ADCY2: variants seen among roughly 807,000 people sequenced by gnomAD.
ADCY2 encodes the protein adenylate cyclase 2, also known as adenylate cyclase type 2.
ADCY2 carries 31 observed loss-of-function variants against 125.2 expected under a neutral mutation model. That is an observed-to-expected ratio of 0.25 (90% CI 0.19 to 0.33). ADCY2 has a LOEUF of 0.33. Among genes scored for constraint, ADCY2 ranks in the 10% least tolerant of loss-of-function variants. The probability of loss-of-function intolerance (pLI) is 1.00; values close to 1 mark genes in which losing one functional copy is unlikely to be tolerated. For synonymous variants in ADCY2, 512 were observed against 548.4 expected (o/e 0.93, Z 0.93); for missense variants, 904 against 1,418.2 (o/e 0.64, Z 5.82).
At chr5:7,480,020 C>T (rs1742670051) in intron 2 of ADCY2, among the ~76,000 whole-genome samples, 1 of 152,144 alleles carries the variant, frequency 6.6e-6, no homozygotes, top group African/African-American at 2.4e-5. Flanking sequence ...AAAAGCTCAA[C>T]ATCACTGATC....
chr5:7,818,048 T>A (rs1052121003), intron 23 of ADCY2, among the ~76,000 whole-genome samples: 1 of 152,192 alleles, frequency 6.6e-6, no homozygotes, highest in Admixed American at 6.5e-5. Flanking sequence ...TTCAGAGTTC[T>A]AAGAGCTTCT....
intron 2 of ADCY2, among the ~76,000 whole-genome samples, chr5:7,513,225 T>A (rs1204842734): frequency 2.6e-5 from 4 of 151,964 alleles, no homozygotes; most frequent in Non-Finnish European, 5.9e-5. Flanking sequence ...ACTCAAAGAA[T>A]CTGTAACACT....
chr5:7,762,558 T>A (rs1246119782), intron 16 of ADCY2, among the ~76,000 whole-genome samples: 1 of 152,158 alleles, frequency 6.6e-6, no homozygotes, highest in Non-Finnish European at 1.5e-5. Context: ...GTCACTCATG[T>A]CAGGAAGGCG....
intron 2 of ADCY2, among the ~76,000 whole-genome samples, chr5:7,497,929 T>C (rs1207476756): frequency 6.6e-6 from 1 of 152,176 alleles, no homozygotes; most frequent in Non-Finnish European, 1.5e-5. Context: ...GGGTGTCCAT[T>C]GAATAAGTGA....
intron 2 of ADCY2, among the ~76,000 whole-genome samples, chr5:7,465,197 C>T (rs560126667): frequency 6.6e-6 from 1 of 152,204 alleles, no homozygotes; most frequent in Non-Finnish European, 1.5e-5. Context: ...CACAGCCAAA[C>T]CATATCATTA....
rs1738086291 is a variant in ADCY2, at chr5:7,625,424, G to T, written c.571-743G>T. ...GAGAATACAGAGGAAAATGGAGTAG[G>T]CAGACAAGGCCGTATGGAAAGCAGA... On this transcript the variant is annotated intron_variant, in intron 3 of 24. Coordinates refer to ENST00000338316, the MANE Select transcript of ADCY2 (RefSeq NM_020546.3). Among the ~76,000 whole-genome samples, 3 of 152,308 alleles carry T rather than the reference G, an allele frequency of 2.0e-5. No homozygotes were observed. In the South Asian group the frequency reaches 6.2e-4, roughly 32 times the overall value.
At chr5:7,625,047 A>G (rs961693755) in intron 3 of ADCY2, among the ~76,000 whole-genome samples, 8 of 152,224 alleles carry the variant, frequency 5.3e-5, no homozygotes, top group African/African-American at 1.7e-4. Flanking sequence ...CCTGAGAGCA[A>G]TTTTGCAATA....
intron 3 of ADCY2, among the ~76,000 whole-genome samples, chr5:7,571,489 A>G (rs962451064): frequency 1.3e-5 from 2 of 152,156 alleles, no homozygotes; most frequent in Non-Finnish European, 2.9e-5. Flanking sequence ...GATCATCTTC[A>G]TTACTCAGCC....
intron 16 of ADCY2, among the ~76,000 whole-genome samples, chr5:7,760,638 A>G (rs1743166184): frequency 1.3e-5 from 2 of 152,144 alleles, no homozygotes; most frequent in African/African-American, 2.4e-5. Context: ...TCTTTCTCTC[A>G]TTGTATAAAT....
At chr5:7,810,083 C>T (rs966868936) in intron 22 of ADCY2, among the ~76,000 whole-genome samples, 3 of 152,304 alleles carry the variant, frequency 2.0e-5, no homozygotes, top group South Asian at 2.1e-4. Context: ...CCTGCAGCCC[C>T]TGCTTGTTTC....
At chr5:7,448,406 C>T (rs1292669065) in intron 2 of ADCY2, among the ~76,000 whole-genome samples, 1 of 152,088 alleles carries the variant, frequency 6.6e-6, no homozygotes, top group Admixed American at 6.5e-5. Context: ...GCAGATGGCT[C>T]TGACTTATTT....
rs191674379 is a variant in ADCY2 at position 7,664,250 on chromosome 5, T to A, written c.721-26441T>A. Among the ~76,000 whole-genome samples the A allele has an allele frequency of 1.8e-4, 28 of 152,356 alleles. No individual in the cohort carries two copies. The South Asian group carries it at 2.7e-3, about 15-fold the overall frequency. On this transcript the variant is annotated intron_variant, in intron 4 of 24. Transcript: ENST00000338316. Reference sequence around the variant, plus strand: ...GGACATAGCCACAAACTGTTCAATGTGAAAAACATGTGATTTTTTTTTCTC... The same window carrying A: ...GGACATAGCCACAAACTGTTCAATGAGAAAAACATGTGATTTTTTTTTCTC...
chr5:7,451,032 G>A (rs1280476611), intron 2 of ADCY2, among the ~76,000 whole-genome samples: 1 of 152,176 alleles, frequency 6.6e-6, no homozygotes, highest in East Asian at 1.9e-4. Flanking sequence ...TCACCCAAGA[G>A]CTCTGATGCA....
At chr5:7,518,239 T>G (rs1169615210) in intron 2 of ADCY2, among the ~76,000 whole-genome samples, 1 of 152,164 alleles carries the variant, frequency 6.6e-6, no homozygotes, top group East Asian at 1.9e-4. Context: ...TCTTAGTGGC[T>G]TTGGAAGATG....
At chr5:7,716,574 T>C (rs1741597242) in intron 11 of ADCY2, among the ~76,000 whole-genome samples, 1 of 152,236 alleles carries the variant, frequency 6.6e-6, no homozygotes, top group South Asian at 2.1e-4. Flanking sequence ...ACTTTAGTTA[T>C]TCACTCAATC....
intron 2 of ADCY2, among the ~76,000 whole-genome samples, chr5:7,484,255 T>C (rs1433398045): frequency 6.6e-6 from 1 of 152,174 alleles, no homozygotes; most frequent in Non-Finnish European, 1.5e-5. Flanking sequence ...ACAACAAATA[T>C]ACAGCATTCA....
intron 3 of ADCY2, among the ~76,000 whole-genome samples, chr5:7,524,067 C>T (rs1451568949): frequency 2.6e-5 from 4 of 152,086 alleles, no homozygotes; most frequent in African/African-American, 4.8e-5. Context: ...TCATTGTTCT[C>T]GGGAAATTCA....
chr5:7,414,369 A>G (rs1739852410), intron 1 of ADCY2, among the ~76,000 whole-genome samples: 2 of 152,180 alleles, frequency 1.3e-5, no homozygotes, highest in South Asian at 4.1e-4. Context: ...AATATCCAAC[A>G]TTGGATTATC....
intron 4 of ADCY2, among the ~76,000 whole-genome samples, chr5:7,628,439 G>C (rs56905198): frequency 0.046 from 6,933 of 152,168 alleles, 507 homozygotes; most frequent in African/African-American, 0.16. Flanking sequence ...AAAGCACATG[G>C]CATCCCTTGC....
Sources: gnomAD v4.1 joint callset for allele counts (sites outside exome capture counted in the v4.1 genomes callset) on GRCh38, gnomAD v4.1.1 for gene constraint, MANE v1.5 for transcripts, NCBI Gene and HGNC (gene_info 2026-07-23, HGNC 2026-07-21) for gene names.